ABCB5: variants seen among roughly 807,000 people sequenced by gnomAD.
ABCB5 encodes the protein ATP-binding cassette sub-family B member 5.
Under a neutral mutation model 144.2 loss-of-function variants are expected in ABCB5, and 155 were observed. The observed-to-expected ratio is 1.08, with a 90% CI of 0.94 to 1.23. The LOEUF is 1.23. Among genes scored for constraint, ABCB5 ranks in the 50% most tolerant of loss-of-function variants. The pLI, the probability that ABCB5 is intolerant of heterozygous loss-of-function variation, is 0.00. For missense variants in ABCB5, 1,830 were observed against 1,520.8 expected (o/e 1.20, Z -3.38); for synonymous variants, 610 against 528.6 (o/e 1.15, Z -2.11).
At position 20,753,523 on chromosome 7, in the gene ABCB5, T is replaced by C. The variant is rs577051720; in HGVS notation, c.3576+17T>C. The C allele has an allele frequency of 1.7e-5, 27 of 1,606,648 alleles. No homozygotes were observed. Among genetic ancestry groups the C allele is most frequent in the African/African-American group, 9.4e-5 (7 of 74,546 alleles). ...AGTGAGAAGGTAACATCATTTTCTT[T>C]TATCTCAGAATATAATACCAAATAT... On this transcript the variant is annotated intron_variant, in intron 27 of 27. Transcript: ENST00000404938.
At chr7:20,692,034 C>T (rs146298012) in intron 16 of ABCB5, among the ~76,000 whole-genome samples, 37 of 152,144 alleles carry the variant, frequency 2.4e-4, no homozygotes, top group Non-Finnish European at 4.7e-4. Flanking sequence ...ATCTATATTC[C>T]GTATGTACAT....
chr7:20,704,734 G>C lies in ABCB5; in HGVS notation c.2348G>C (p.Trp783Ser). The part of the protein sequence containing the change: ...FKAMLYQDIA[W>S]FDEKENSTGG... ...TCTCCTTTTCTCTAGGATATTGCCT[G>C]GTTTGATGAAAAGGAAAACAGCACA... Residue 783 changes from tryptophan (W) to serine (S), a missense_variant, in exon 20 of 28, where the codon TGG becomes TCG. By Grantham distance (177) the Trp-to-Ser change is radical. Transcript: ENST00000404938. 6.2e-7 allele frequency: 1 copy of C among 1,613,278 alleles called. No homozygotes were observed. Among genetic ancestry groups the C allele is most frequent in the South Asian group, 1.1e-5 (1 of 90,980 alleles).
At chr7:20,721,415 T>G (rs1490874348) in intron 20 of ABCB5, among the ~76,000 whole-genome samples, 1 of 152,230 alleles carries the variant, frequency 6.6e-6, no homozygotes, top group East Asian at 1.9e-4. Context: ...GGTTATTTAG[T>G]GCCTAGTTAA....
rs187945797 is a variant in ABCB5 at position 20,690,751 on chromosome 7, C to A, written c.2010+4915C>A. Among the ~76,000 whole-genome samples the A allele has an allele frequency of 4.9e-3, 744 of 152,190 alleles. 7 individuals are homozygous for A. Among genetic ancestry groups the A allele is most frequent in the Admixed American group, 6.7e-3 (102 of 15,294 alleles). On this transcript the variant is annotated intron_variant, in intron 16 of 27. Coordinates refer to ENST00000404938, the MANE Select transcript of ABCB5 (RefSeq NM_001163941.2). ...GGGAATGAGAGTCAGGACCCTGCAC[C>A]ATTTAGATTCGGATAGAAAAAGTCA...
intron 20 of ABCB5, among the ~76,000 whole-genome samples, chr7:20,709,884 T>TG (rs74705065): frequency 0.08 from 11,889 of 148,536 alleles, 1,297 homozygotes; most frequent in East Asian, 0.16. Flanking sequence ...GACACCAGGC[T>TG]GCCAACATGG....
intron 5 of ABCB5, among the ~76,000 whole-genome samples, chr7:20,632,657 C>T (rs1026974957): frequency 5.3e-5 from 8 of 152,052 alleles, no homozygotes; most frequent in African/African-American, 1.9e-4. Flanking sequence ...GTGGCACATA[C>T]ACACCATGGA....
At chr7:20,645,291 T>C (rs1784376961) in intron 7 of ABCB5, among the ~76,000 whole-genome samples, 1 of 152,174 alleles carries the variant, frequency 6.6e-6, no homozygotes, top group Admixed American at 6.5e-5. Context: ...AAATAATGAG[T>C]ATTATTCCGC....
In ABCB5 at chr7:20,649,466, C is replaced by A. The variant is rs905284000; in HGVS notation, c.1207-556C>A. ...AATCACATTGCAGGTCCCTGGCACA[C>A]TAAATGCTGTAGCAACCCCAGTCAT... On this transcript the variant is annotated intron_variant, in intron 11 of 27. Coordinates refer to ENST00000404938, the MANE Select transcript of ABCB5 (RefSeq NM_001163941.2). Among the ~76,000 whole-genome samples, 10 of 152,268 alleles carry A rather than the reference C, an allele frequency of 6.6e-5. No individual in the cohort carries two copies. In the South Asian group the frequency reaches 2.1e-3, roughly 32 times the overall value.
intron 25 of ABCB5, among the ~76,000 whole-genome samples, chr7:20,743,660 C>A (rs1325634402): frequency 1.3e-5 from 2 of 152,064 alleles, no homozygotes; most frequent in Non-Finnish European, 2.9e-5. Context: ...CCTCCCCCCA[C>A]CACCCACCAC....
chr7:20,629,796 G>A (rs2128018682), intron 4 of ABCB5, among the ~76,000 whole-genome samples: 1 of 152,154 alleles, frequency 6.6e-6, no homozygotes, highest in African/African-American at 2.4e-5. Context: ...AGAAGAAGAA[G>A]AAGAAGAAAT....
chr7:20,672,230 AG>A (rs1351299065), intron 14 of ABCB5, among the ~76,000 whole-genome samples: 1 of 152,174 alleles, frequency 6.6e-6, no homozygotes, highest in African/African-American at 2.4e-5. Context: ...ATGTAGGATT[AG>A]AAAATATTTC....
chr7:20,635,847 T>G (rs1045266998), intron 5 of ABCB5, among the ~76,000 whole-genome samples: 2 of 152,130 alleles, frequency 1.3e-5, no homozygotes, highest in African/African-American at 4.8e-5. Context: ...CATCAGCAAA[T>G]AAATAATTTG....
At chr7:20,656,370 C>T (rs990082882) in intron 13 of ABCB5, among the ~76,000 whole-genome samples, 4 of 151,866 alleles carry the variant, frequency 2.6e-5, no homozygotes, top group African/African-American at 9.7e-5. Context: ...TATACATGTC[C>T]GACAAGGACA....
rs1017651318 is a variant in ABCB5, at chr7:20,755,769, C to A, written c.*145C>A. ...CAAGTACATACATGTTCTATTCACACACCATCTGACCTTCAGATTTTTAAA... is the reference window on the plus strand; with the variant it reads ...CAAGTACATACATGTTCTATTCACAAACCATCTGACCTTCAGATTTTTAAA... On this transcript the variant is annotated 3_prime_UTR_variant, in exon 28 of 28. Transcript: ENST00000404938. The A allele has an allele frequency of 3.5e-4, 270 of 776,628 alleles. No individual in the cohort carries two copies. Among genetic ancestry groups the A allele is most frequent in the Non-Finnish European group, 1.1e-4 (54 of 502,448 alleles). The allele number at this position is 776,628 out of a possible 1,614,324, so 48.1% of individuals were successfully genotyped here.
intron 1 of ABCB5, 128 bp downstream of exon 1, chr7:20,615,965 C>T (rs1783674922): frequency 6.6e-6 from 1 of 152,194 alleles, no homozygotes; most frequent in African/African-American, 2.4e-5. Flanking sequence ...GTGTATGAAA[C>T]TTTTTCATAG....
At chr7:20,704,609 A>T in intron 19 of ABCB5, 115 bp from the exon 20 acceptor site, 1 of 666,538 alleles carries the variant, frequency 1.5e-6, no homozygotes, top group Non-Finnish European at 2.6e-6. Flanking sequence ...TATAGGAATT[A>T]AGTACCTGTG....
At chr7:20,726,507 C>A (rs1207176358) in intron 21 of ABCB5, among the ~76,000 whole-genome samples, 1 of 151,902 alleles carries the variant, frequency 6.6e-6, no homozygotes, top group African/African-American at 2.4e-5. Flanking sequence ...GCTGGGATTA[C>A]AGACATGTGC....
At chr7:20,729,954 G>T (rs776105740) in intron 23 of ABCB5, among the ~76,000 whole-genome samples, 4 of 152,152 alleles carry the variant, frequency 2.6e-5, no homozygotes, top group African/African-American at 7.2e-5. Flanking sequence ...TTGAGGAAAT[G>T]GCCAAAAGAC....
chr7:20,731,070 G>T (rs1303546387), intron 23 of ABCB5, among the ~76,000 whole-genome samples: 4 of 151,394 alleles, frequency 2.6e-5, no homozygotes, highest in African/African-American at 9.7e-5. Flanking sequence ...AAAAAAATAA[G>T]AAGGCCAGGC....
Sources: allele counts gnomAD v4.1 joint callset (sites outside exome capture counted in the v4.1 genomes callset), GRCh38; gene constraint gnomAD v4.1.1; transcripts MANE v1.5; gene names NCBI Gene and HGNC (gene_info 2026-07-23, HGNC 2026-07-21).